The following SLC4A7 variants were observed in gnomAD, a reference collection of about 807,000 sequenced individuals.
SLC4A7 encodes solute carrier family 4 member 7, also known as sodium bicarbonate cotransporter 3.
A neutral mutation model predicts 137.6 loss-of-function variants in SLC4A7; 51 were observed. That is an observed-to-expected ratio of 0.37 (90% CI 0.30 to 0.47). The LOEUF is 0.47. Ranked by LOEUF, SLC4A7 falls within the 20% of genes least tolerant of loss-of-function variation. SLC4A7 has a pLI of 1.00. For missense variants in SLC4A7, 1,247 were observed against 1,525.4 expected (o/e 0.82, Z 3.04); for synonymous variants, 542 against 518.6 (o/e 1.05, Z -0.61).
intron 1 of SLC4A7, among the ~76,000 whole-genome samples, chr3:27,476,962 A>G (rs879707077): frequency 6.6e-6 from 1 of 152,244 alleles, no homozygotes; most frequent in Non-Finnish European, 1.5e-5. Context: ...TGAATGACCC[A>G]GGAAAACTCT....
At chr3:27,437,599 A>G (rs919147015) in intron 3 of SLC4A7, 73 bp from the exon 4 acceptor site, 15 of 970,984 alleles carry the variant, frequency 1.5e-5, no homozygotes, top group Admixed American at 3.0e-5. Context: ...ACAGTTTTGA[A>G]AATGAAACAC....
At chr3:27,481,641 C>A (rs529261640) in intron 1 of SLC4A7, among the ~76,000 whole-genome samples, 3 of 151,950 alleles carry the variant, frequency 2.0e-5, no homozygotes, top group Non-Finnish European at 2.9e-5. Context: ...TTACTATTCT[C>A]CCATTCTATT....
chr3:27,452,954 G>C (rs985451578), intron 1 of SLC4A7, among the ~76,000 whole-genome samples: 4 of 152,138 alleles, frequency 2.6e-5, no homozygotes, highest in Non-Finnish European at 4.4e-5. Flanking sequence ...AAAATAAGCA[G>C]ACTCAACATG....
intron 12 of SLC4A7, among the ~76,000 whole-genome samples, chr3:27,410,979 G>A (rs920091732): frequency 6.6e-6 from 1 of 151,980 alleles, no homozygotes; most frequent in African/African-American, 2.4e-5. Flanking sequence ...TAATATTTAA[G>A]ATTATTTAAT....
At chr3:27,379,736 C>T (rs908095593) in intron 24 of SLC4A7, among the ~76,000 whole-genome samples, 1 of 152,072 alleles carries the variant, frequency 6.6e-6, no homozygotes, top group Admixed American at 6.6e-5. Context: ...CTCAAGTCGA[C>T]TAGAAAACGG....
intron 22 of SLC4A7, among the ~76,000 whole-genome samples, chr3:27,389,617 T>G (rs2051326154): frequency 6.6e-6 from 1 of 152,210 alleles, no homozygotes; most frequent in African/African-American, 2.4e-5. Flanking sequence ...CCATGTTGTT[T>G]TGGTTCCTTT....
In SLC4A7 at chr3:27,431,561, GGAA is replaced by G. The variant is rs767889873; in HGVS notation, c.884_886del (p.Leu295del). The G allele has an allele frequency of 6.2e-6, 10 of 1,614,056 alleles. No individual in the cohort carries two copies. Among genetic ancestry groups the G allele is most frequent in the African/African-American group, 1.3e-5 (1 of 75,012 alleles). On this transcript the variant is annotated inframe_deletion, in exon 7 of 26. Coordinates refer to ENST00000454389, the MANE Select transcript of SLC4A7 (RefSeq NM_001321103.2). The stretch of plus-strand genomic sequence containing the variant: ...TGCAGGGGTTCCAGCTCTTGAAGAA[GGAA>G]GAAGATGACCAAGAAGAAGAGATAA...
intron 24 of SLC4A7, among the ~76,000 whole-genome samples, chr3:27,380,811 A>G (rs868514759): frequency 3.9e-5 from 6 of 152,234 alleles, no homozygotes; most frequent in South Asian, 2.1e-4. Context: ...TAGCCATCCA[A>G]CTTGAAACTT....
At chr3:27,446,864 AGTTTTTTTTT>A (rs1253444445) in intron 3 of SLC4A7, among the ~76,000 whole-genome samples, 1 of 133,100 alleles carries the variant, frequency 7.5e-6, no homozygotes, top group Non-Finnish European at 1.6e-5. Context: ...CTCTTAGTAG[AGTTTTTTTTT>A]GTTTTTTTTT....
intron 3 of SLC4A7, among the ~76,000 whole-genome samples, chr3:27,447,669 T>C (rs2057765561): frequency 6.9e-6 from 1 of 144,640 alleles, no homozygotes; most frequent in South Asian, 2.3e-4. Context: ...TTTTTGGCTC[T>C]TTCCTTTCCC....
chr3:27,384,721 G>C (rs943528142), intron 23 of SLC4A7, among the ~76,000 whole-genome samples: 3 of 152,122 alleles, frequency 2.0e-5, no homozygotes, highest in African/African-American at 7.2e-5. Flanking sequence ...CCAGCACTGT[G>C]GGGGACCAAG....
intron 3 of SLC4A7, among the ~76,000 whole-genome samples, chr3:27,446,625 A>C (rs1486695688): frequency 6.6e-6 from 1 of 152,142 alleles, no homozygotes; most frequent in Non-Finnish European, 1.5e-5. Context: ...TGAATTAGAG[A>C]AGCATACTGA....
At chr3:27,456,820 A>G in intron 1 of SLC4A7, 1 of 1,439,274 alleles carries the variant, frequency 6.9e-7, no homozygotes, top group Non-Finnish European at 9.1e-7. Flanking sequence ...TTTATGGTAC[A>G]GCCAATCACT....
intron 1 of SLC4A7, among the ~76,000 whole-genome samples, chr3:27,474,573 T>C (rs921691137): frequency 2.6e-5 from 4 of 151,678 alleles, no homozygotes; most frequent in African/African-American, 9.7e-5. Flanking sequence ...TAGCCTGGCA[T>C]GGTGGCGGGC....
At chr3:27,384,380 A>G (rs1411094823) in intron 23 of SLC4A7, among the ~76,000 whole-genome samples, 1 of 152,158 alleles carries the variant, frequency 6.6e-6, no homozygotes, top group Non-Finnish European at 1.5e-5. Flanking sequence ...GGAGTCTGAC[A>G]GCCATTTTGA....
Position 27,445,196 on chromosome 3 carries a change from C to A in SLC4A7, c.289+3455G>T, listed in dbSNP as rs546369884. Among the ~76,000 whole-genome samples the A allele has an allele frequency of 4.6e-5, 7 of 152,336 alleles. No individual in the cohort carries two copies. The East Asian group carries it at 1.3e-3, about 29-fold the overall frequency. Reference sequence around the variant, plus strand: ...TTTTTCCCGGGCCACAGGTAGTTTCCTCTCACACATGGCCAGACCAGTGAT... The same window carrying A: ...TTTTTCCCGGGCCACAGGTAGTTTCATCTCACACATGGCCAGACCAGTGAT... On this transcript the variant is annotated intron_variant, in intron 3 of 25. Coordinates refer to ENST00000454389, the MANE Select transcript of SLC4A7 (RefSeq NM_001321103.2).
At chr3:27,481,934 G>C (rs1365774210) in intron 1 of SLC4A7, among the ~76,000 whole-genome samples, 5 of 151,906 alleles carry the variant, frequency 3.3e-5, no homozygotes, top group South Asian at 2.1e-4. Flanking sequence ...TCAGGAGTTC[G>C]AGACCAGCCT....
At chr3:27,462,298 A>G (rs965961447) in intron 1 of SLC4A7, among the ~76,000 whole-genome samples, 2 of 152,156 alleles carry the variant, frequency 1.3e-5, no homozygotes, top group Non-Finnish European at 2.9e-5. Context: ...CTGTGTATCT[A>G]CTCAACAGAA....
intron 11 of SLC4A7, among the ~76,000 whole-genome samples, chr3:27,415,921 T>C (rs2054336201): frequency 6.6e-6 from 1 of 152,230 alleles, no homozygotes; most frequent in Admixed American, 6.5e-5. Flanking sequence ...CCTTTTCTTT[T>C]TACAATGATC....
Sources: gnomAD v4.1 joint callset for allele counts (sites outside exome capture counted in the v4.1 genomes callset) on GRCh38, gnomAD v4.1.1 for gene constraint, MANE v1.5 for transcripts, NCBI Gene and HGNC (gene_info 2026-07-23, HGNC 2026-07-21) for gene names.